Variants in CERS3 observed in about 807,000 individuals in gnomAD.
CERS3 encodes LAG1 homolog, ceramide synthase 3.
Under a neutral mutation model 50.3 loss-of-function variants are expected in CERS3, and 33 were observed. That is an observed-to-expected ratio of 0.66 (90% CI 0.50 to 0.88). The LOEUF (loss-of-function observed/expected upper bound fraction) is 0.88. CERS3 is among the 40% of genes least tolerant of loss of function. The pLI is 0.00. For synonymous variants in CERS3, 176 were observed against 155.2 expected (o/e 1.13, Z -0.99); for missense variants, 470 against 460.3 (o/e 1.02, Z -0.19).
Position 100,402,595 on chromosome 15 carries a change from G to C in CERS3, c.*118C>G. ...TTGGTAAACACATCTTAGGTGGGAG[G>C]GAAGGCGGTGGTGAGAAAGAGGGAA... On this transcript the variant is annotated 3_prime_UTR_variant, in exon 12 of 12. Coordinates refer to ENST00000679737, the MANE Select transcript of CERS3 (RefSeq NM_001378789.1). 4 of 945,186 alleles carry C rather than the reference G, an allele frequency of 4.2e-6. No homozygotes were observed. Among genetic ancestry groups the C allele is most frequent in the Non-Finnish European group, 6.3e-6 (4 of 635,738 alleles). The allele number at this position is 945,186 out of a possible 1,614,324, so 58.5% of individuals were successfully genotyped here.
intron 1 of CERS3, among the ~76,000 whole-genome samples, chr15:100,536,308 A>G (rs1279354535): frequency 6.6e-6 from 1 of 152,152 alleles, no homozygotes; most frequent in Non-Finnish European, 1.5e-5. Flanking sequence ...TTTTTGAGAC[A>G]GGGTTTTGCT....
chr15:100,429,044 A>G (rs920744207), intron 11 of CERS3, among the ~76,000 whole-genome samples: 2 of 152,206 alleles, frequency 1.3e-5, no homozygotes, highest in Non-Finnish European at 2.9e-5. Context: ...GCAGGGCCTG[A>G]CCCCAGGTGA....
At chr15:100,403,696 G>C (rs146605592) in intron 11 of CERS3, among the ~76,000 whole-genome samples, 1 of 152,264 alleles carries the variant, frequency 6.6e-6, no homozygotes, top group East Asian at 1.9e-4. Flanking sequence ...TGCCCCAGCC[G>C]AAACAGGTAA....
intron 11 of CERS3, among the ~76,000 whole-genome samples, chr15:100,415,782 G>T (rs113479256): frequency 2.4e-4 from 30 of 123,710 alleles, no homozygotes; most frequent in African/African-American, 9.0e-4. Context: ...ACACACCAGG[G>T]CCTGTCGGGG....
intron 3 of CERS3, among the ~76,000 whole-genome samples, chr15:100,494,023 A>G (rs1014877486): frequency 6.6e-6 from 1 of 151,774 alleles, no homozygotes; most frequent in Non-Finnish European, 1.5e-5. Context: ...AATAATTGCT[A>G]TATTTCCTGT....
At chr15:100,455,637 T>C (rs1398179504) in intron 11 of CERS3, among the ~76,000 whole-genome samples, 2 of 152,170 alleles carry the variant, frequency 1.3e-5, no homozygotes, top group South Asian at 2.1e-4. Flanking sequence ...GCAATTTTTA[T>C]AATTTTTGAA....
At chr15:100,499,826 A>G (rs773995212) in intron 3 of CERS3, among the ~76,000 whole-genome samples, 3 of 152,192 alleles carry the variant, frequency 2.0e-5, no homozygotes, top group Non-Finnish European at 4.4e-5. Context: ...TTTCGCTGTG[A>G]AAGTCTAAGA....
chr15:100,541,300 T>C (rs1217171649), intron 1 of CERS3, among the ~76,000 whole-genome samples: 2 of 152,196 alleles, frequency 1.3e-5, no homozygotes, highest in Non-Finnish European at 2.9e-5. Flanking sequence ...GGCGAAACCC[T>C]GTCTCTACTA....
intron 5 of CERS3, among the ~76,000 whole-genome samples, chr15:100,480,994 T>G (rs1371290786): frequency 6.6e-6 from 1 of 152,188 alleles, no homozygotes; most frequent in Non-Finnish European, 1.5e-5. Context: ...AATAAAAAGT[T>G]TTTTAAAGTT....
At chr15:100,411,865 A>G (rs1012632429) in intron 11 of CERS3, among the ~76,000 whole-genome samples, 2 of 152,080 alleles carry the variant, frequency 1.3e-5, no homozygotes, top group Non-Finnish European at 2.9e-5. Context: ...ATTAGTTATG[A>G]TGAGTATCTT....
intron 11 of CERS3, among the ~76,000 whole-genome samples, chr15:100,419,055 T>C (rs1361957143): frequency 8.6e-6 from 1 of 115,888 alleles, no homozygotes; most frequent in Admixed American, 9.4e-5. Context: ...AACATCATAA[T>C]GACAGGATCA....
upstream of CERS3, among the ~76,000 whole-genome samples, chr15:100,529,629 G>A (rs1567686725): frequency 6.6e-6 from 1 of 152,212 alleles, no homozygotes; most frequent in Non-Finnish European, 1.5e-5. Flanking sequence ...AAAGGCAAGT[G>A]TGGATGCATT....
At chr15:100,416,311 G>A (rs1018371130) in intron 11 of CERS3, among the ~76,000 whole-genome samples, 4 of 152,100 alleles carry the variant, frequency 2.6e-5, no homozygotes, top group Non-Finnish European at 5.9e-5. Context: ...ACAGATTAAA[G>A]AGCCAGAAAT....
At chr15:100,464,652 G>A (rs2142219616) in intron 10 of CERS3, among the ~76,000 whole-genome samples, 1 of 152,290 alleles carries the variant, frequency 6.6e-6, no homozygotes, top group Non-Finnish European at 1.5e-5. Flanking sequence ...GTGAGTATTT[G>A]GATAATGCTC....
At chr15:100,435,407 A>G (rs2033351977) in intron 11 of CERS3, among the ~76,000 whole-genome samples, 1 of 152,226 alleles carries the variant, frequency 6.6e-6, no homozygotes, top group South Asian at 2.1e-4. Flanking sequence ...CTTGTTTTAC[A>G]CTGGCTAGCC....
At chr15:100,470,559 G>T (rs1483645856) in intron 9 of CERS3, among the ~76,000 whole-genome samples, 1 of 152,110 alleles carries the variant, frequency 6.6e-6, no homozygotes, top group East Asian at 1.9e-4. Flanking sequence ...AGGATCAGGG[G>T]CTAGCTGGGT....
intron 10 of CERS3, among the ~76,000 whole-genome samples, chr15:100,468,130 T>C (rs946899806): frequency 5.3e-5 from 8 of 152,294 alleles, no homozygotes; most frequent in South Asian, 2.1e-4. Context: ...GATTTGATTC[T>C]AGTTGAACTT....
rs1162723470 is a variant in CERS3 at position 100,476,177 on chromosome 15, G to A, written c.518C>T (p.Pro173Leu). The change falls in exon 8 of 12, where the codon CCC (proline) becomes CTC (leucine). Residue 173 changes from proline to leucine, a missense_variant and splice_region_variant. Pro to Leu is a moderately conservative substitution (Grantham distance 98, BLOSUM62 -3). Transcript: ENST00000679737. ...WEVWNGYPKQPLLPSQYWYYI... is the reference protein window; with the variant it reads ...WEVWNGYPKQLLLPSQYWYYI... ...GTACCAGTACTGGGATGGCAGCAGG[G>A]GCTGAGGAAAAGAAGAGTATTCATT... The A allele has an allele frequency of 1.9e-6, 3 of 1,558,156 alleles. No individual in the cohort carries two copies. The highest frequency in any genetic ancestry group is 2.5e-5 in the East Asian group (1 of 40,782).
chr15:100,459,322 G>T (rs780399668), intron 10 of CERS3, among the ~76,000 whole-genome samples: 1 of 151,862 alleles, frequency 6.6e-6, no homozygotes, highest in Non-Finnish European at 1.5e-5. Flanking sequence ...TTGAGACATG[G>T]TCTCGCTCTG....
Sources: allele counts gnomAD v4.1 joint callset (sites outside exome capture counted in the v4.1 genomes callset), GRCh38; gene constraint gnomAD v4.1.1; transcripts MANE v1.5; gene names NCBI Gene and HGNC (gene_info 2026-07-23, HGNC 2026-07-21).